SGSM1: variants seen among roughly 807,000 people sequenced by gnomAD.
SGSM1 encodes small G protein signaling modulator 1.
SGSM1 carries 73 observed loss-of-function variants against 133.8 expected under a neutral mutation model. The ratio of observed to expected loss-of-function variants is 0.55; its 90% confidence interval spans 0.45 to 0.66. SGSM1 has a LOEUF of 0.66. Ranked by LOEUF, SGSM1 falls within the 30% of genes least tolerant of loss-of-function variation. SGSM1 has a pLI of 0.00. For missense variants in SGSM1, 1,213 were observed against 1,448.1 expected (o/e 0.84, Z 2.64); for synonymous variants, 563 against 573.0 (o/e 0.98, Z 0.25).
intron 2 of SGSM1, among the ~76,000 whole-genome samples, chr22:24,824,288 G>A (rs1419329705): frequency 6.6e-6 from 1 of 152,190 alleles, no homozygotes; most frequent in Non-Finnish European, 1.5e-5. Flanking sequence ...GGGTCACACA[G>A]AAGGAATGGC....
chr22:24,819,136 ACT>A (rs1407462102), intron 2 of SGSM1, among the ~76,000 whole-genome samples: 1 of 130,044 alleles, frequency 7.7e-6, no homozygotes, highest in African/African-American at 3.0e-5. Context: ...ACAGAGCAAG[ACT>A]CTGTCAAAAA....
intron 2 of SGSM1, among the ~76,000 whole-genome samples, chr22:24,837,590 C>CCCTCCCG: frequency 7.3e-6 from 1 of 137,088 alleles, no homozygotes; most frequent in African/African-American, 3.1e-5. Context: ...CCCCCCCCCC[C>CCCTCCCG]CTTTCCCAGT....
chr22:24,897,928 A>G (rs1757510080), intron 18 of SGSM1, 44 bp from the exon 19 acceptor site: 3 of 1,506,342 alleles, frequency 2.0e-6, no homozygotes, highest in Non-Finnish European at 2.7e-6. Flanking sequence ...GTAATGCTGC[A>G]GTCGACATGC....
intron 2 of SGSM1, among the ~76,000 whole-genome samples, chr22:24,812,044 C>T (rs1214866901): frequency 6.6e-6 from 1 of 151,696 alleles, no homozygotes; most frequent in Non-Finnish European, 1.5e-5. Context: ...GTAGCATGCG[C>T]CTGTAATCTC....
At chr22:24,895,798 C>A (rs1418005319) in intron 18 of SGSM1, among the ~76,000 whole-genome samples, 2 of 152,138 alleles carry the variant, frequency 1.3e-5, no homozygotes, top group African/African-American at 4.8e-5. Flanking sequence ...GTAATCCCAG[C>A]ACTTTGGGAG....
chr22:24,819,199 T>C (rs1314770765), intron 2 of SGSM1, among the ~76,000 whole-genome samples: 1 of 152,020 alleles, frequency 6.6e-6, no homozygotes, highest in Non-Finnish European at 1.5e-5. Context: ...TTAGTATTTA[T>C]TGGGCACCTA....
chr22:24,898,795 AG>A (rs1174068272), intron 19 of SGSM1, among the ~76,000 whole-genome samples: 1 of 152,062 alleles, frequency 6.6e-6, no homozygotes, highest in African/African-American at 2.4e-5. Flanking sequence ...TGGGAGGCTG[AG>A]GGGGGTGGAT....
chr22:24,841,012 G>A (rs938723414), intron 2 of SGSM1, among the ~76,000 whole-genome samples: 17 of 151,930 alleles, frequency 1.1e-4, no homozygotes, highest in East Asian at 1.9e-4. Context: ...CACCACGCCC[G>A]GCTAATTTTT....
chr22:24,811,534 C>T (rs148889614), intron 2 of SGSM1, among the ~76,000 whole-genome samples: 2 of 152,218 alleles, frequency 1.3e-5, no homozygotes, highest in African/African-American at 2.4e-5. Flanking sequence ...GTAAAATGGA[C>T]TTAGGCCATA....
At chr22:24,876,118 C>G (rs1324112105) in intron 12 of SGSM1, among the ~76,000 whole-genome samples, 2 of 152,216 alleles carry the variant, frequency 1.3e-5, no homozygotes, top group African/African-American at 4.8e-5. Flanking sequence ...TCTTCCTCAG[C>G]AGGGGCTTCA....
chr22:24,846,037 C>A (rs1442882761), intron 3 of SGSM1, among the ~76,000 whole-genome samples: 1 of 114,562 alleles, frequency 8.7e-6, no homozygotes, highest in Non-Finnish European at 1.7e-5. Flanking sequence ...TTCTCTCTTT[C>A]TTTCTTTTTT....
In SGSM1 at chr22:24,806,430, T is replaced by C; in HGVS notation, c.20-11T>C. 1 of 1,523,608 alleles carries C rather than the reference T, an allele frequency of 6.6e-7. No individual in the cohort carries two copies. Among genetic ancestry groups the C allele is most frequent in the Non-Finnish European group, 8.8e-7 (1 of 1,135,254 alleles). The allele number at this position is 1,523,608 out of a possible 1,614,324, so 94.4% of individuals were successfully genotyped here. On this transcript the variant is annotated splice_polypyrimidine_tract_variant and intron_variant, in intron 1 of 24. Coordinates refer to ENST00000400358, the MANE Select transcript of SGSM1 (RefSeq NM_001098497.3). ...TCGGCTGACCCGCGGCTCTCGTTTC[T>C]TGTCCCACAGAGGCGGAGACCCGAC...
intron 2 of SGSM1, among the ~76,000 whole-genome samples, chr22:24,836,121 A>G (rs893473380): frequency 2.0e-5 from 3 of 152,132 alleles, no homozygotes; most frequent in Admixed American, 6.5e-5. Context: ...TCCTCTCCCC[A>G]GCCCCTGGCA....
rs115741462 is a variant in SGSM1 at position 24,864,474 on chromosome 22, A to G, written c.927-2619A>G. On this transcript the variant is annotated intron_variant, in intron 9 of 24. Transcript: ENST00000400358. ...TAGACATTTGTGGTCCATCCATGCAACAGAATATTACTTGTCTATAAAAAG... is the reference window on the plus strand; with the variant it reads ...TAGACATTTGTGGTCCATCCATGCAGCAGAATATTACTTGTCTATAAAAAG... Among the ~76,000 whole-genome samples, 731 of 152,360 alleles carry G rather than the reference A, an allele frequency of 4.8e-3. 7 individuals are homozygous for G. Among genetic ancestry groups the G allele is most frequent in the African/African-American group, 0.017 (703 of 41,590 alleles).
At chr22:24,825,685 C>T (rs1013035964) in intron 2 of SGSM1, among the ~76,000 whole-genome samples, 3 of 152,212 alleles carry the variant, frequency 2.0e-5, no homozygotes, top group African/African-American at 4.8e-5. Flanking sequence ...CCGCCTCAGC[C>T]TCCCAAAGTG....
At chr22:24,880,344 G>T (rs1344423973) in intron 14 of SGSM1, among the ~76,000 whole-genome samples, 1 of 152,070 alleles carries the variant, frequency 6.6e-6, no homozygotes, top group East Asian at 1.9e-4. Context: ...ATGTTGGCCA[G>T]GCTGGTCTCG....
intron 4 of SGSM1, among the ~76,000 whole-genome samples, chr22:24,848,120 T>C (rs1268397117): frequency 2.0e-5 from 3 of 151,926 alleles, no homozygotes; most frequent in Admixed American, 6.6e-5. Flanking sequence ...CATCTATAGT[T>C]ATTCATGTCA....
intron 18 of SGSM1, among the ~76,000 whole-genome samples, chr22:24,895,738 T>C (rs1374551784): frequency 1.3e-5 from 2 of 152,178 alleles, no homozygotes; most frequent in Non-Finnish European, 2.9e-5. Context: ...TAACTCAATC[T>C]CACTCCGTTT....
intron 3 of SGSM1, among the ~76,000 whole-genome samples, chr22:24,846,737 C>G (rs566478709): frequency 6.6e-6 from 1 of 152,240 alleles, no homozygotes. Context: ...ATGAAAAGTA[C>G]TGCATATGTA....
Sources: gnomAD v4.1 joint callset for allele counts (sites outside exome capture counted in the v4.1 genomes callset) on GRCh38, gnomAD v4.1.1 for gene constraint, MANE v1.5 for transcripts, NCBI Gene and HGNC (gene_info 2026-07-23, HGNC 2026-07-21) for gene names.